MTMR3: variants seen among roughly 807,000 people sequenced by gnomAD.
MTMR3 encodes the protein phosphatidylinositol-3,5-bisphosphate 3-phosphatase MTMR3.
In MTMR3, 32 loss-of-function variants were observed where a neutral mutation model predicts 132.4. The ratio of observed to expected loss-of-function variants is 0.24; its 90% CI spans 0.18 to 0.32. The LOEUF (loss-of-function observed/expected upper bound fraction) is 0.32, where lower values mean the gene tolerates loss of function less well. Among genes scored for constraint, MTMR3 ranks in the 10% least tolerant of loss-of-function variants. The pLI, the probability that MTMR3 is intolerant of heterozygous loss-of-function variation, is 1.00. For missense variants in MTMR3, 1,216 were observed against 1,489.6 expected, an observed-to-expected ratio of 0.82 and a Z score of 3.02; for synonymous variants, 556 against 550.3, an observed-to-expected ratio of 1.01 and a Z score of -0.14.
At chr22:29,899,924 C>CT (rs2145723796) in intron 1 of MTMR3, among the ~76,000 whole-genome samples, 1 of 152,286 alleles carries the variant, frequency 6.6e-6, no homozygotes, top group East Asian at 1.9e-4. Context: ...CAGTTAAAAA[C>CT]TTTTGCCTCG....
At chr22:29,962,910 CT>C (rs892383539) in intron 2 of MTMR3, among the ~76,000 whole-genome samples, 394 of 133,552 alleles carry the variant, frequency 3.0e-3, no homozygotes, top group South Asian at 6.4e-3. Flanking sequence ...TCTCTTTTTT[CT>C]TTTTTTTTTT....
At chr22:29,937,763 C>T in intron 1 of MTMR3, among the ~76,000 whole-genome samples, 1 of 152,052 alleles carries the variant, frequency 6.6e-6, no homozygotes, top group East Asian at 1.9e-4. Flanking sequence ...CCGACAAAAA[C>T]CCAAAATGCA....
intron 14 of MTMR3, 166 bp downstream of exon 14, chr22:30,013,707 A>G: frequency 2.9e-6 from 2 of 683,330 alleles, no homozygotes; most frequent in Non-Finnish European, 4.6e-6. Flanking sequence ...CTATTTTCAA[A>G]AAGAGAAAAT....
chr22:29,974,264 G>C (rs1487662741), intron 3 of MTMR3, among the ~76,000 whole-genome samples: 1 of 152,114 alleles, frequency 6.6e-6, no homozygotes, highest in Non-Finnish European at 1.5e-5. Context: ...TCTCAAGTTT[G>C]GCCTTCCTCA....
intron 12 of MTMR3, chr22:30,012,145 T>C (rs901027586): frequency 6.3e-6 from 3 of 479,252 alleles, no homozygotes; most frequent in South Asian, 3.0e-5. Context: ...AAAGGTGTGC[T>C]ATTAATTGTA....
chr22:29,989,827 C>G (rs2066925553), intron 6 of MTMR3: 1 of 152,172 alleles, frequency 6.6e-6, no homozygotes, highest in African/African-American at 2.4e-5. Context: ...TCTCTTGCAA[C>G]TAAAAACAGT....
At chr22:30,019,182 G>A (rs187440182) in intron 16 of MTMR3, 30 of 240,898 alleles carry the variant, frequency 1.2e-4, no homozygotes, top group African/African-American at 3.9e-4. Context: ...CAGCCTGGGC[G>A]ACAGAGTGAG....
intron 1 of MTMR3, among the ~76,000 whole-genome samples, chr22:29,919,674 C>A (rs551009779): frequency 6.6e-6 from 1 of 151,806 alleles, no homozygotes; most frequent in African/African-American, 2.4e-5. Flanking sequence ...AGGCATGTGC[C>A]ACCATGCCTA....
chr22:29,910,163 C>CAA (rs879637685), intron 1 of MTMR3, among the ~76,000 whole-genome samples: 7 of 98,004 alleles, frequency 7.1e-5, no homozygotes, highest in African/African-American at 2.3e-4. Flanking sequence ...GACTCCATCT[C>CAA]AAAAAAAAAA....
intron 1 of MTMR3, among the ~76,000 whole-genome samples, chr22:29,936,264 G>C (rs957497520): frequency 6.6e-6 from 1 of 152,136 alleles, no homozygotes; most frequent in Non-Finnish European, 1.5e-5. Context: ...GGGAAAGTCA[G>C]ATTATTTGGT....
chr22:30,004,812 G>T (rs2067243412), intron 9 of MTMR3: 2 of 152,216 alleles, frequency 1.3e-5, no homozygotes, highest in African/African-American at 4.8e-5. Flanking sequence ...AGCCTAGGTG[G>T]CAGGATGCCT....
intron 1 of MTMR3, among the ~76,000 whole-genome samples, chr22:29,885,287 A>G (rs1429392164): frequency 2.6e-5 from 4 of 152,218 alleles, no homozygotes; most frequent in African/African-American, 4.8e-5. Flanking sequence ...ATTCCAAAGA[A>G]GTCCCATTAA....
chr22:29,980,614 T>C (rs372084225), intron 5 of MTMR3: 3 of 152,252 alleles, frequency 2.0e-5, no homozygotes, highest in African/African-American at 7.2e-5. Context: ...ATTGCTGGAA[T>C]TAAATTATAA....
At chr22:30,007,087 A>C (rs757275311) in intron 9 of MTMR3, 27 bp from the exon 10 acceptor site, 1 of 1,611,486 alleles carries the variant, frequency 6.2e-7, no homozygotes, top group South Asian at 1.1e-5. Context: ...GAATGGGTAC[A>C]GTTGTTGTCT....
At chr22:30,013,638 G>A in intron 14 of MTMR3, 97 bp downstream of exon 14, 1 of 1,124,042 alleles carries the variant, frequency 8.9e-7, no homozygotes. Flanking sequence ...TGCCTCTTCA[G>A]AATTTAATAG....
chr22:29,892,433 A>T (rs1237864997), intron 1 of MTMR3, among the ~76,000 whole-genome samples: 4 of 152,184 alleles, frequency 2.6e-5, no homozygotes, highest in Non-Finnish European at 4.4e-5. Flanking sequence ...GACTGAGTGA[A>T]GGTATGAATA....
chr22:29,935,718 A>C (rs1426046527), intron 1 of MTMR3, among the ~76,000 whole-genome samples: 1 of 151,560 alleles, frequency 6.6e-6, no homozygotes, highest in African/African-American at 2.4e-5. Flanking sequence ...TGTCTGATTG[A>C]ATGATCTCTT....
At chr22:29,918,197 G>A (rs1163799801) in intron 1 of MTMR3, among the ~76,000 whole-genome samples, 1 of 152,166 alleles carries the variant, frequency 6.6e-6, no homozygotes, top group African/African-American at 2.4e-5. Context: ...GAAGTGTTGA[G>A]GGGCATCATC....
intron 16 of MTMR3, 151 bp downstream of exon 16, chr22:30,018,223 A>C: frequency 1.2e-6 from 1 of 834,368 alleles, no homozygotes; most frequent in Non-Finnish European, 1.7e-6. Flanking sequence ...AGTTATAGGG[A>C]TTTCTGAGCT....
Sources: gnomAD v4.1 joint callset for allele counts (sites outside exome capture counted in the v4.1 genomes callset) on GRCh38, gnomAD v4.1.1 for gene constraint, MANE v1.5 for transcripts, NCBI Gene and HGNC (gene_info 2026-07-23, HGNC 2026-07-21) for gene names.